The following BRINP3 variants were observed in gnomAD, a reference collection of about 807,000 sequenced individuals.
BRINP3 encodes BMP/retinoic acid-inducible neural-specific protein 3.
BRINP3 carries 19 observed loss-of-function variants against 71.0 expected under a neutral mutation model. The observed-to-expected ratio is 0.27, with a 90% CI of 0.19 to 0.39. The LOEUF is 0.39. Ranked by LOEUF, BRINP3 falls within the 10% of genes least tolerant of loss-of-function variation. The pLI, the probability that BRINP3 is intolerant of heterozygous loss-of-function variation, is 1.00. For missense variants in BRINP3, 959 were observed against 940.8 expected, an observed-to-expected ratio of 1.02 and a Z score of -0.25; for synonymous variants, 380 against 337.7, an observed-to-expected ratio of 1.13 and a Z score of -1.37.
chr1:190,359,573 C>A (rs1668995935), intron 2 of BRINP3, among the ~76,000 whole-genome samples: 1 of 152,004 alleles, frequency 6.6e-6, no homozygotes, highest in South Asian at 2.1e-4. Context: ...CCAGCCTGGG[C>A]AACATGGCAA....
At chr1:190,257,761 G>A (rs937023981) in intron 4 of BRINP3, among the ~76,000 whole-genome samples, 2 of 152,182 alleles carry the variant, frequency 1.3e-5, no homozygotes. Flanking sequence ...GTTGGGGTTT[G>A]CTCGGAGGTC....
At chr1:190,108,349 T>G (rs904714356) in intron 7 of BRINP3, among the ~76,000 whole-genome samples, 1 of 151,912 alleles carries the variant, frequency 6.6e-6, no homozygotes, top group Non-Finnish European at 1.5e-5. Context: ...CGTGTGTGTG[T>G]GTGTGTGTGC....
chr1:190,200,289 T>C (rs114071731), intron 6 of BRINP3, among the ~76,000 whole-genome samples: 2,310 of 152,246 alleles, frequency 0.015, 71 homozygotes, highest in African/African-American at 0.052. Flanking sequence ...GTCTATTGTC[T>C]TATGCCTGGC....
chr1:190,108,474 G>T (rs1041588375), intron 7 of BRINP3, among the ~76,000 whole-genome samples: 1 of 151,500 alleles, frequency 6.6e-6, no homozygotes, highest in African/African-American at 2.4e-5. Context: ...TGTTTCACAT[G>T]ACTTTGCTTT....
intron 2 of BRINP3, among the ~76,000 whole-genome samples, chr1:190,414,892 T>C (rs1672915604): frequency 6.6e-6 from 1 of 152,222 alleles, no homozygotes; most frequent in South Asian, 2.1e-4. Flanking sequence ...GCCAATCTTA[T>C]ACCTCTAGTA....
Position 190,182,514 on chromosome 1 carries a change from C to T in BRINP3, c.962-21624G>A, listed in dbSNP as rs182353812. Among the ~76,000 whole-genome samples the T allele has an allele frequency of 7.7e-4, 117 of 151,998 alleles. 1 individual carries two copies. The Middle Eastern group carries it at 0.01, about 13-fold the overall frequency. ...TTTTAGTTACAATTTTTACTTTTACCATCTCAATTTGGCATTTATTTTATA... is the reference window on the plus strand; with the variant it reads ...TTTTAGTTACAATTTTTACTTTTACTATCTCAATTTGGCATTTATTTTATA... On this transcript the variant is annotated intron_variant, in intron 6 of 7. Transcript: ENST00000367462.
At chr1:190,148,182 GCTCT>G (rs750155651) in intron 7 of BRINP3, among the ~76,000 whole-genome samples, 11 of 151,716 alleles carry the variant, frequency 7.3e-5, no homozygotes, top group East Asian at 1.9e-4. Flanking sequence ...TTCAAGAAAA[GCTCT>G]CTCTCTCTTT....
At chr1:190,425,378 A>AT (rs1276779099) in intron 2 of BRINP3, among the ~76,000 whole-genome samples, 2 of 151,788 alleles carry the variant, frequency 1.3e-5, no homozygotes, top group Non-Finnish European at 3.0e-5. Flanking sequence ...AAGCACATAG[A>AT]TTTTGTCTCA....
intron 2 of BRINP3, among the ~76,000 whole-genome samples, chr1:190,396,276 T>C (rs992462316): frequency 6.6e-6 from 1 of 151,924 alleles, no homozygotes; most frequent in Non-Finnish European, 1.5e-5. Flanking sequence ...AATTACCAGC[T>C]TTTAGTTCCG....
chr1:190,388,234 C>T lies in BRINP3; in HGVS notation c.236+66421G>A, dbSNP rs192785875. On this transcript the variant is annotated intron_variant, in intron 2 of 7. Transcript: ENST00000367462. Reference sequence around the variant, plus strand: ...ATATTTCAGGCAAAGTGAAAAGTTACTCTATGCCTGCAGCATCTGTAGAGA... The same window carrying T: ...ATATTTCAGGCAAAGTGAAAAGTTATTCTATGCCTGCAGCATCTGTAGAGA... 3.3e-5 allele frequency among the ~76,000 whole-genome samples: 5 copies of T among 151,876 alleles called. No homozygotes were observed. The Admixed American group carries it at 3.3e-4, about 10-fold the overall frequency.
At chr1:190,190,430 GATC>G (rs1358174739) in intron 6 of BRINP3, among the ~76,000 whole-genome samples, 4 of 152,064 alleles carry the variant, frequency 2.6e-5, no homozygotes, top group Admixed American at 2.0e-4. Flanking sequence ...CAGGTACTAT[GATC>G]TCTCATTTGG....
intron 2 of BRINP3, among the ~76,000 whole-genome samples, chr1:190,436,604 T>A (rs1036856664): frequency 5.9e-5 from 9 of 151,904 alleles, no homozygotes; most frequent in East Asian, 1.9e-4. Flanking sequence ...ATCATTTTTT[T>A]AAAATGATCT....
At chr1:190,257,611 G>A (rs1261544449) in intron 4 of BRINP3, among the ~76,000 whole-genome samples, 2 of 152,154 alleles carry the variant, frequency 1.3e-5, no homozygotes, top group African/African-American at 4.8e-5. Flanking sequence ...CATCTTTCTA[G>A]TTTTATCTAC....
At chr1:190,228,813 G>A (rs1395522078) in intron 5 of BRINP3, among the ~76,000 whole-genome samples, 1 of 151,540 alleles carries the variant, frequency 6.6e-6, no homozygotes, top group Non-Finnish European at 1.5e-5. Context: ...GCTATGTACA[G>A]AAACAGGAAA....
At chr1:190,434,187 C>T (rs927020674) in intron 2 of BRINP3, among the ~76,000 whole-genome samples, 3 of 151,938 alleles carry the variant, frequency 2.0e-5, no homozygotes, top group African/African-American at 7.3e-5. Context: ...GGCCAGATCT[C>T]GACTCACTGC....
chr1:190,289,141 GA>G (rs1042694856), intron 2 of BRINP3, among the ~76,000 whole-genome samples: 6 of 151,748 alleles, frequency 4.0e-5, no homozygotes, highest in African/African-American at 1.5e-4. Context: ...AAGGCAAAAT[GA>G]AGGATTTTTT....
intron 4 of BRINP3, among the ~76,000 whole-genome samples, chr1:190,242,289 A>G (rs1297256143): frequency 6.6e-6 from 1 of 152,082 alleles, no homozygotes; most frequent in Non-Finnish European, 1.5e-5. Context: ...AAATATATCA[A>G]TGCAAAATTT....
chr1:190,241,461 T>C (rs1659087597), intron 4 of BRINP3, among the ~76,000 whole-genome samples: 1 of 151,860 alleles, frequency 6.6e-6, no homozygotes, highest in Non-Finnish European at 1.5e-5. Context: ...ATCAATGTAA[T>C]TAATTCTCTC....
intron 6 of BRINP3, among the ~76,000 whole-genome samples, chr1:190,178,418 C>T (rs1652741293): frequency 6.6e-6 from 1 of 151,948 alleles, no homozygotes; most frequent in Non-Finnish European, 1.5e-5. Context: ...TATACTTAAC[C>T]AGTGCAATTG....
Sources: gnomAD v4.1 joint callset for allele counts (sites outside exome capture counted in the v4.1 genomes callset) on GRCh38, gnomAD v4.1.1 for gene constraint, MANE v1.5 for transcripts, NCBI Gene and HGNC (gene_info 2026-07-23, HGNC 2026-07-21) for gene names.